PTBP2: variants seen among roughly 807,000 people sequenced by gnomAD.
PTBP2 encodes the protein polypyrimidine tract binding protein 2.
Under a neutral mutation model 61.4 loss-of-function variants are expected in PTBP2, and 13 were observed. That is an observed-to-expected ratio of 0.21 (90% CI 0.14 to 0.34). The LOEUF (loss-of-function observed/expected upper bound fraction) is 0.34. PTBP2 is among the 10% of genes least tolerant of loss of function. PTBP2 has a pLI of 1.00. For synonymous variants in PTBP2, 215 were observed against 218.5 expected (o/e 0.98, Z 0.14); for missense variants, 405 against 642.6 (o/e 0.63, Z 4.00).
At chr1:96,723,641 A>G in intron 2 of PTBP2, 47 bp downstream of exon 2, 1 of 1,498,846 alleles carries the variant, frequency 6.7e-7, no homozygotes. Flanking sequence ...ATCTATTATC[A>G]TAATTACTGG....
At chr1:96,755,833 G>A (rs1483577298) in intron 3 of PTBP2, among the ~76,000 whole-genome samples, 4 of 152,186 alleles carry the variant, frequency 2.6e-5, no homozygotes, top group African/African-American at 4.8e-5. Context: ...AGTGGGAAAG[G>A]ACAGGCAGGA....
chr1:96,724,642 A>T (rs1193457871), intron 2 of PTBP2, among the ~76,000 whole-genome samples: 1 of 139,994 alleles, frequency 7.1e-6, no homozygotes, highest in East Asian at 2.3e-4. Flanking sequence ...GACTGTTCAA[A>T]CATTTTTTCG....
chr1:96,742,952 T>TAA (rs1653239867), intron 2 of PTBP2, among the ~76,000 whole-genome samples: 1 of 152,230 alleles, frequency 6.6e-6, no homozygotes, highest in East Asian at 1.9e-4. Flanking sequence ...TCTTGCCTTT[T>TAA]CTTTTTTGTT....
chr1:96,806,873 T>C lies in PTBP2; in HGVS notation c.1086T>C (p.Tyr362=), dbSNP rs1001114798. Residue 362 remains tyrosine, a synonymous_variant, in exon 11 of 14, where the codon TAT becomes TAC. Transcript: ENST00000674951. ...PQSLFTLFGV[Y]GDVQRVKILY... ...TCTGTGGCTCCAAAAAAGGTGTTTA[T>C]GGAGATGTGCAGCGTGTGAAGATTT... The C allele has an allele frequency of 1.9e-6, 3 of 1,609,008 alleles. No homozygotes were observed. The highest frequency in any genetic ancestry group is 1.3e-5 in the African/African-American group (1 of 74,488).
At chr1:96,800,178 G>A (rs761229507) in intron 8 of PTBP2, among the ~76,000 whole-genome samples, 22 of 152,020 alleles carry the variant, frequency 1.4e-4, no homozygotes, top group Admixed American at 1.2e-3. Flanking sequence ...AGGGTGGTCC[G>A]GAATGGTGGA....
At chr1:96,739,198 TTATTAA>T (rs1652641906) in intron 2 of PTBP2, among the ~76,000 whole-genome samples, 1 of 152,156 alleles carries the variant, frequency 6.6e-6, no homozygotes, top group African/African-American at 2.4e-5. Context: ...TATGATAAAG[TTATTAA>T]TATTGATAAA....
intron 7 of PTBP2, among the ~76,000 whole-genome samples, chr1:96,783,761 CT>C (rs1424783862): frequency 6.6e-6 from 1 of 152,002 alleles, no homozygotes; most frequent in Non-Finnish European, 1.5e-5. Context: ...CTTTCTTCAC[CT>C]TTACACCAGG....
intron 11 of PTBP2, among the ~76,000 whole-genome samples, chr1:96,808,707 TTCA>T (rs1203273378): frequency 1.3e-5 from 2 of 152,124 alleles, no homozygotes; most frequent in Non-Finnish European, 2.9e-5. Flanking sequence ...TGGTAAATAA[TTCA>T]TCATTTCTCA....
chr1:96,721,910 A>G (rs950987148), intron 1 of PTBP2, 38 bp downstream of exon 1: 1 of 1,568,336 alleles, frequency 6.4e-7, no homozygotes, highest in Non-Finnish European at 8.6e-7. Flanking sequence ...TGTGTGAGAG[A>G]GGAGTTGGAC....
At chr1:96,783,549 C>T (rs528967999) in intron 7 of PTBP2, among the ~76,000 whole-genome samples, 76 of 151,994 alleles carry the variant, frequency 5.0e-4, no homozygotes, top group Non-Finnish European at 8.0e-4. Context: ...TTAGCATTAA[C>T]CTAGATACTG....
At chr1:96,789,067 TGTA>T (rs1361135417) in intron 8 of PTBP2, among the ~76,000 whole-genome samples, 3 of 151,974 alleles carry the variant, frequency 2.0e-5, no homozygotes, top group African/African-American at 7.2e-5. Flanking sequence ...TGTTAAGAGG[TGTA>T]GTTAATTTAT....
intron 3 of PTBP2, among the ~76,000 whole-genome samples, chr1:96,754,305 C>T (rs1018626312): frequency 5.3e-5 from 8 of 152,132 alleles, no homozygotes; most frequent in Non-Finnish European, 1.0e-4. Flanking sequence ...AAAGGGCTCT[C>T]TCTTTTCCTA....
chr1:96,765,401 A>G (rs867655151), intron 3 of PTBP2, among the ~76,000 whole-genome samples: 6 of 152,166 alleles, frequency 3.9e-5, no homozygotes, highest in Non-Finnish European at 2.9e-5. Context: ...AGTAGGACTA[A>G]AATAATTTAC....
chr1:96,806,898 T>C lies in PTBP2; in HGVS notation c.1111T>C (p.Leu371=), dbSNP rs1163763590. The change falls in exon 11 of 14, where the codon TTA becomes CTA. Residue 371 remains leucine (L), a synonymous_variant. Transcript: ENST00000674951. ...TGGAGATGTGCAGCGTGTGAAGATT[T>C]TATACAATAAGAAAGACAGCGCTCT... ...VYGDVQRVKI[L]YNKKDSALIQ... The C allele has an allele frequency of 6.2e-7, 1 of 1,612,244 alleles. No homozygotes were observed. Among genetic ancestry groups the C allele is most frequent in the Non-Finnish European group, 8.5e-7 (1 of 1,179,508 alleles).
intron 5 of PTBP2, among the ~76,000 whole-genome samples, chr1:96,776,102 A>G (rs1318963954): frequency 6.6e-6 from 1 of 152,000 alleles, no homozygotes; most frequent in Admixed American, 6.6e-5. Context: ...CTTTTATACC[A>G]TGATCATGGA....
intron 2 of PTBP2, among the ~76,000 whole-genome samples, chr1:96,733,854 ACAGT>A (rs1336595291): frequency 6.6e-6 from 1 of 152,192 alleles, no homozygotes; most frequent in Non-Finnish European, 1.5e-5. Context: ...CAGCGTGAAG[ACAGT>A]CAGGATGAAG....
chr1:96,769,526 G>A (rs554035950), intron 3 of PTBP2, among the ~76,000 whole-genome samples, 177 bp from the exon 4 acceptor site: 1 of 151,380 alleles, frequency 6.6e-6, no homozygotes, highest in South Asian at 2.1e-4. Context: ...ATAATAATAG[G>A]TGGATATGAT....
intron 5 of PTBP2, among the ~76,000 whole-genome samples, chr1:96,772,679 T>C (rs1657516185): frequency 6.6e-6 from 1 of 152,216 alleles, no homozygotes; most frequent in South Asian, 2.1e-4. Context: ...TATTTGTCTT[T>C]CTTTGTTTGA....
At position 96,804,973 on chromosome 1, in the gene PTBP2, A is replaced by G. The variant is rs571601473; in HGVS notation, c.1044+34A>G. 297 of 1,433,890 alleles carry G rather than the reference A, an allele frequency of 2.1e-4. 4 individuals carry two copies. The South Asian group carries it at 4.6e-3, about 22-fold the overall frequency. The allele number at this position is 1,433,890 out of a possible 1,614,324, so 88.8% of individuals were successfully genotyped here. On this transcript the variant is annotated intron_variant, in intron 9 of 13. Coordinates refer to ENST00000674951, the MANE Select transcript of PTBP2 (RefSeq NM_021190.4). Reference sequence around the variant, plus strand: ...AATAATCTCTAATGTTTATTCTTTAACTCCATTTCATTTGTGAAAGTTTTT... The same window carrying G: ...AATAATCTCTAATGTTTATTCTTTAGCTCCATTTCATTTGTGAAAGTTTTT...
Sources: gnomAD v4.1 joint callset for allele counts (sites outside exome capture counted in the v4.1 genomes callset) on GRCh38, gnomAD v4.1.1 for gene constraint, MANE v1.5 for transcripts, NCBI Gene and HGNC (gene_info 2026-07-23, HGNC 2026-07-21) for gene names.